The following RARB variants were observed in gnomAD, a reference collection of about 807,000 sequenced individuals.
The protein encoded by RARB is retinoic acid receptor beta.
In RARB, 17 loss-of-function variants were observed where a neutral mutation model predicts 51.9. The ratio of observed to expected loss-of-function variants is 0.33; its 90% CI spans 0.22 to 0.49. The LOEUF is 0.49. Among genes scored for constraint, RARB ranks in the 20% least tolerant of loss-of-function variants. The pLI is 0.99. For missense variants in RARB, 369 were observed against 550.8 expected, an observed-to-expected ratio of 0.67 and a Z score of 3.30; for synonymous variants, 215 against 195.4, an observed-to-expected ratio of 1.10 and a Z score of -0.84.
intron 1 of RARB, among the ~76,000 whole-genome samples, chr3:25,444,722 C>T (rs1215995164): frequency 6.6e-6 from 1 of 152,144 alleles, no homozygotes; most frequent in Non-Finnish European, 1.5e-5. Context: ...AAAAATACAA[C>T]AGCACTATAA....
intron 3 of RARB, among the ~76,000 whole-genome samples, chr3:25,568,955 A>T (rs1035557900): frequency 6.6e-6 from 1 of 152,214 alleles, no homozygotes; most frequent in Admixed American, 6.5e-5. Flanking sequence ...TGCAGGAGGA[A>T]GCACGGGCTT....
chr3:25,423,238 C>G (rs1490643656), intron 5 of RARB, among the ~76,000 whole-genome samples: 1 of 152,202 alleles, frequency 6.6e-6, no homozygotes, highest in African/African-American at 2.4e-5. Context: ...TTTTATCCAG[C>G]AGACGTATTG....
intron 5 of RARB, among the ~76,000 whole-genome samples, chr3:25,419,142 C>G (rs950510409): frequency 1.3e-5 from 2 of 151,966 alleles, no homozygotes; most frequent in Admixed American, 1.3e-4. Flanking sequence ...GGGAATTTAG[C>G]AAGGCCTATC....
chr3:25,048,215 C>T (rs1309134309), intron 2 of RARB, among the ~76,000 whole-genome samples: 2 of 152,158 alleles, frequency 1.3e-5, no homozygotes, highest in South Asian at 2.1e-4. Flanking sequence ...TTCATCTCTT[C>T]ATTTAGTATA....
chr3:25,418,473 C>T (rs1358297931), intron 5 of RARB, among the ~76,000 whole-genome samples: 6 of 152,072 alleles, frequency 3.9e-5, no homozygotes, highest in Non-Finnish European at 5.9e-5. Flanking sequence ...AAATGAGACT[C>T]AGAAGGATTA....
intron 2 of RARB, among the ~76,000 whole-genome samples, chr3:25,483,541 T>C (rs542091595): frequency 6.6e-6 from 1 of 151,222 alleles, no homozygotes; most frequent in Admixed American, 6.6e-5. Context: ...TTTTTTTTTT[T>C]TTTTTTCACT....
At chr3:25,069,210 AT>A (rs148345390) in intron 3 of RARB, among the ~76,000 whole-genome samples, 4 of 150,806 alleles carry the variant, frequency 2.7e-5, no homozygotes, top group Admixed American at 1.3e-4. Flanking sequence ...TGTGAGAAAG[AT>A]TTTTTTTTGA....
chr3:25,501,277 A>G lies in RARB; in HGVS notation c.402A>G (p.Gln134=). 6.2e-7 allele frequency: 1 copy of G among 1,612,132 alleles called. No individual in the cohort carries two copies. The highest frequency in any genetic ancestry group is 1.7e-4 in the Middle Eastern group (1 of 6,058). The change falls in exon 3 of 8, where the codon CAA becomes CAG. Residue 134 remains glutamine, a synonymous_variant. Transcript: ENST00000330688. ...ATAAAGTCACCAGGAATCGATGCCA[A>G]TACTGTCGACTCCAGAAGTGCTTTG... is the stretch of plus-strand genomic sequence containing the variant. ...VINKVTRNRC[Q]YCRLQKCFEV...
At position 25,163,115 on chromosome 3, in the gene RARB, G is replaced by T. The variant is rs557126210; in HGVS notation, c.-279-11004G>T. Among the ~76,000 whole-genome samples, 6 of 152,106 alleles carry T rather than the reference G, an allele frequency of 3.9e-5. No homozygotes were observed. The South Asian group carries it at 1.2e-3, about 32-fold the overall frequency. On this transcript the variant is annotated intron_variant, in intron 4 of 11. Transcript: ENST00000383772. The stretch of plus-strand genomic sequence containing the variant: ...AGAGAGGGAGAAAACCCTAATAGTG[G>T]GCTGAATGTCCTATTATGTGTCAGG...
chr3:25,052,698 A>T (rs1324615886), intron 2 of RARB, among the ~76,000 whole-genome samples: 1 of 152,142 alleles, frequency 6.6e-6, no homozygotes, highest in African/African-American at 2.4e-5. Flanking sequence ...TTCAGGTGAA[A>T]ATAGTAAAGT....
At chr3:25,046,604 C>T (rs1043857543) in intron 2 of RARB, among the ~76,000 whole-genome samples, 2 of 152,018 alleles carry the variant, frequency 1.3e-5, no homozygotes, top group African/African-American at 2.4e-5. Flanking sequence ...CAGGCACACA[C>T]CACCATGCTC....
intron 3 of RARB, among the ~76,000 whole-genome samples, chr3:25,126,652 G>T (rs1340981037): frequency 1.3e-5 from 2 of 152,098 alleles, no homozygotes; most frequent in Non-Finnish European, 2.9e-5. Context: ...AGTGCTGCTG[G>T]CCCCAGACAA....
chr3:25,317,416 T>A (rs150714672), intron 5 of RARB, among the ~76,000 whole-genome samples: 1 of 152,174 alleles, frequency 6.6e-6, no homozygotes. Context: ...CTATCTCAGA[T>A]TGACACAGCA....
At chr3:25,313,479 G>A (rs1330762680) in intron 5 of RARB, among the ~76,000 whole-genome samples, 2 of 152,170 alleles carry the variant, frequency 1.3e-5, no homozygotes, top group Non-Finnish European at 2.9e-5. Context: ...TGATGTCAGC[G>A]AGTATCTCTG....
At chr3:24,989,863 A>T (rs1301823527) in intron 2 of RARB, among the ~76,000 whole-genome samples, 1 of 81,256 alleles carries the variant, frequency 1.2e-5, no homozygotes, top group Non-Finnish European at 2.2e-5. Context: ...GCAGTGGCGC[A>T]ATCTCGGCTC....
intron 3 of RARB, among the ~76,000 whole-genome samples, chr3:25,072,559 C>T (rs1260231189): frequency 6.6e-6 from 1 of 152,132 alleles, no homozygotes; most frequent in East Asian, 1.9e-4. Context: ...ATTTTAAGAG[C>T]TTCTGGGTTT....
intron 3 of RARB, among the ~76,000 whole-genome samples, chr3:25,131,129 A>G (rs1219664728): frequency 6.6e-6 from 1 of 151,964 alleles, no homozygotes; most frequent in Non-Finnish European, 1.5e-5. Flanking sequence ...TTCAAGGGAA[A>G]GTCACTTGAG....
chr3:25,323,773 A>G (rs1704635232), intron 5 of RARB, among the ~76,000 whole-genome samples: 1 of 152,196 alleles, frequency 6.6e-6, no homozygotes, highest in South Asian at 2.1e-4. Flanking sequence ...CAGCCCTAAA[A>G]TGGATGAACA....
At chr3:24,834,241 T>C (rs977136840) in intron 1 of RARB, among the ~76,000 whole-genome samples, 3 of 152,224 alleles carry the variant, frequency 2.0e-5, no homozygotes, top group Non-Finnish European at 4.4e-5. Context: ...TGGAACACAG[T>C]ACTATGTTTG....
Sources: gnomAD v4.1 joint callset for allele counts (sites outside exome capture counted in the v4.1 genomes callset) on GRCh38, gnomAD v4.1.1 for gene constraint, MANE v1.5 for transcripts, NCBI Gene and HGNC (gene_info 2026-07-23, HGNC 2026-07-21) for gene names.